JAZF1: variants seen among roughly 807,000 people sequenced by gnomAD.
JAZF1 encodes the protein JAZF zinc finger 1, also known as juxtaposed with another zinc finger protein 1.
A neutral mutation model predicts 26.4 loss-of-function variants in JAZF1; 8 were observed. That is an observed-to-expected ratio of 0.30 (90% CI 0.18 to 0.55). JAZF1 has a LOEUF of 0.55. JAZF1 is among the 20% of genes least tolerant of loss of function. The probability of loss-of-function intolerance (pLI) is 0.94; values close to 1 mark genes in which losing one functional copy is unlikely to be tolerated. For missense variants in JAZF1, 199 were observed against 322.0 expected, an observed-to-expected ratio of 0.62 and a Z score of 2.92; for synonymous variants, 126 against 122.3, an observed-to-expected ratio of 1.03 and a Z score of -0.20.
At chr7:27,929,802 A>G (rs1784656442) in intron 2 of JAZF1, among the ~76,000 whole-genome samples, 1 of 152,220 alleles carries the variant, frequency 6.6e-6, no homozygotes, top group East Asian at 1.9e-4. Context: ...AGCAATTTTT[A>G]AAAATGCATG....
At chr7:28,037,560 C>A (rs775468872) in intron 1 of JAZF1, among the ~76,000 whole-genome samples, 2 of 152,096 alleles carry the variant, frequency 1.3e-5, no homozygotes, top group African/African-American at 4.8e-5. Flanking sequence ...CGGCTTTGAA[C>A]GGGTCCCTTC....
chr7:27,937,344 A>G (rs1784776430), intron 2 of JAZF1, among the ~76,000 whole-genome samples: 1 of 152,118 alleles, frequency 6.6e-6, no homozygotes, highest in Non-Finnish European at 1.5e-5. Flanking sequence ...AGCTCTGCCT[A>G]TTTTCTTTAA....
At chr7:27,904,845 T>G (rs1254098979) in intron 2 of JAZF1, among the ~76,000 whole-genome samples, 3 of 152,226 alleles carry the variant, frequency 2.0e-5, no homozygotes. Context: ...GGATATAATC[T>G]GAGTAGTACA....
chr7:28,049,907 T>C (rs1783581934), intron 1 of JAZF1, among the ~76,000 whole-genome samples: 1 of 152,118 alleles, frequency 6.6e-6, no homozygotes, highest in Non-Finnish European at 1.5e-5. Flanking sequence ...CCCCATGCTT[T>C]AGGAATTTTT....
chr7:28,094,643 T>C (rs954846736), intron 1 of JAZF1, among the ~76,000 whole-genome samples: 16 of 152,196 alleles, frequency 1.1e-4, no homozygotes, highest in Admixed American at 1.3e-4. Flanking sequence ...CACCCAGCAC[T>C]TGAAATTTTC....
chr7:28,147,261 C>A (rs914142630), intron 1 of JAZF1, among the ~76,000 whole-genome samples: 56 of 152,200 alleles, frequency 3.7e-4, no homozygotes, highest in African/African-American at 1.2e-3. Context: ...CTTTGAGCAT[C>A]CCATCAGCAA....
intron 1 of JAZF1, among the ~76,000 whole-genome samples, chr7:28,165,516 C>T (rs1040663402): frequency 2.0e-5 from 3 of 152,158 alleles, no homozygotes; most frequent in African/African-American, 7.2e-5. Flanking sequence ...AATTAGGTTC[C>T]CTCCGTGTGG....
chr7:27,853,587 T>C (rs76083677), intron 3 of JAZF1, among the ~76,000 whole-genome samples: 3,780 of 152,276 alleles, frequency 0.025, 136 homozygotes, highest in African/African-American at 0.086. Flanking sequence ...TGGATACTCA[T>C]TGGTTTCAAA....
chr7:28,171,900 C>T (rs1783474413), intron 1 of JAZF1, among the ~76,000 whole-genome samples: 1 of 151,714 alleles, frequency 6.6e-6, no homozygotes, highest in African/African-American at 2.4e-5. Context: ...GGAATAGACC[C>T]AAGTTTTGTG....
At chr7:28,158,552 A>G (rs1783229348) in intron 1 of JAZF1, among the ~76,000 whole-genome samples, 1 of 152,186 alleles carries the variant, frequency 6.6e-6, no homozygotes, top group African/African-American at 2.4e-5. Context: ...TCCAATTCCC[A>G]TAAGCCCCAA....
chr7:28,121,040 A>G (rs1484332767), intron 1 of JAZF1, among the ~76,000 whole-genome samples: 1 of 151,996 alleles, frequency 6.6e-6, no homozygotes, highest in Non-Finnish European at 1.5e-5. Flanking sequence ...TCTCCACTAA[A>G]AATACAAATA....
chr7:28,108,605 T>C (rs1583564434), intron 1 of JAZF1, among the ~76,000 whole-genome samples: 1 of 152,204 alleles, frequency 6.6e-6, no homozygotes, highest in Admixed American at 6.5e-5. Context: ...TTGGCAGGAA[T>C]GTAAACTGGT....
rs1782698988 is a variant in JAZF1 at position 27,831,496 on chromosome 7, G to A, written c.*1304C>T. 1.3e-5 allele frequency: 3 copies of A among 229,024 alleles called. No individual in the cohort carries two copies. The South Asian group carries it at 5.5e-4, about 42-fold the overall frequency. The allele number at this position is 229,024 out of a possible 1,614,324, so 14.2% of individuals were successfully genotyped here. Reference sequence around the variant, plus strand: ...CAAGGCATGATGGTACTGTCGGTGAGGAAAAACTTAAGGAATGGTCCAGAT... The same window carrying A: ...CAAGGCATGATGGTACTGTCGGTGAAGAAAAACTTAAGGAATGGTCCAGAT... On this transcript the variant is annotated 3_prime_UTR_variant, in exon 5 of 5. Transcript: ENST00000283928.
intron 1 of JAZF1, among the ~76,000 whole-genome samples, chr7:28,139,117 G>C (rs2127944967): frequency 6.6e-6 from 1 of 152,256 alleles, no homozygotes; most frequent in East Asian, 1.9e-4. Flanking sequence ...TAGTGACCTT[G>C]GTTTAGATTT....
At chr7:27,925,047 C>A (rs1303830420) in intron 2 of JAZF1, among the ~76,000 whole-genome samples, 1 of 152,218 alleles carries the variant, frequency 6.6e-6, no homozygotes, top group Non-Finnish European at 1.5e-5. Flanking sequence ...TACTCTACTG[C>A]ACTGCCATTT....
At chr7:27,859,575 T>C (rs1161764495) in intron 3 of JAZF1, among the ~76,000 whole-genome samples, 3 of 152,190 alleles carry the variant, frequency 2.0e-5, no homozygotes, top group East Asian at 1.9e-4. Flanking sequence ...TGCAGGGACA[T>C]GGATAAAGCC....
In JAZF1 at chr7:27,840,806, G is replaced by A. The variant is rs545051453; in HGVS notation, c.447C>T (p.Thr149=). 6.2e-7 allele frequency: 1 copy of A among 1,614,124 alleles called. No individual in the cohort carries two copies. Among genetic ancestry groups the A allele is most frequent in the South Asian group, 1.1e-5 (1 of 91,074 alleles). Residue 149 remains threonine, a synonymous_variant, in exon 4 of 5, where the codon ACC becomes ACT. Transcript: ENST00000283928. The surrounding 1 kb of genome is among the most constrained non-coding windows in gnomAD (Gnocchi z 5.1). ...YEESDSDESW[T]TESAISSEAI... Reference sequence around the variant, plus strand: ...CTTCGGAGCTGATGGCACTCTCTGTGGTCCAGGACTCATCGCTGTCCGACT... The same window carrying A: ...CTTCGGAGCTGATGGCACTCTCTGTAGTCCAGGACTCATCGCTGTCCGACT...
At chr7:28,043,206 G>A (rs1391018528) in intron 1 of JAZF1, among the ~76,000 whole-genome samples, 14 of 152,144 alleles carry the variant, frequency 9.2e-5, no homozygotes, top group Non-Finnish European at 1.5e-4. Flanking sequence ...ATAAACTGGC[G>A]AGCCAATGGC....
At chr7:28,105,813 TTC>T (rs1784542471) in intron 1 of JAZF1, among the ~76,000 whole-genome samples, 1 of 152,174 alleles carries the variant, frequency 6.6e-6, no homozygotes, top group South Asian at 2.1e-4. Flanking sequence ...AGAAAAAGCT[TTC>T]ATTTCTCACT....
Sources: allele counts gnomAD v4.1 joint callset (sites outside exome capture counted in the v4.1 genomes callset), GRCh38; gene constraint gnomAD v4.1.1; non-coding constraint Gnocchi (gnomAD v3.1); transcripts MANE v1.5; gene names NCBI Gene and HGNC (gene_info 2026-07-23, HGNC 2026-07-21).